The following CNTNAP2 variants were observed in gnomAD, a reference collection of about 807,000 sequenced individuals.
CNTNAP2 encodes contactin-associated protein-like 2.
In CNTNAP2, 98 loss-of-function variants were observed where a neutral mutation model predicts 155.2. The observed-to-expected ratio is 0.63, with a 90% CI of 0.54 to 0.75. CNTNAP2 has a LOEUF of 0.75. Among genes scored for constraint, CNTNAP2 ranks in the 30% least tolerant of loss-of-function variants. The pLI is 0.00. For missense variants in CNTNAP2, 1,727 were observed against 1,688.1 expected, an observed-to-expected ratio of 1.02 and a Z score of -0.40; for synonymous variants, 651 against 631.2, an observed-to-expected ratio of 1.03 and a Z score of -0.47.
At chr7:146,920,094 A>G (rs987157815) in intron 3 of CNTNAP2, among the ~76,000 whole-genome samples, 4 of 152,196 alleles carry the variant, frequency 2.6e-5, no homozygotes, top group African/African-American at 9.7e-5. Context: ...TTACTAAGAG[A>G]GTACATCTCA....
rs745943332 is a variant in CNTNAP2 at position 148,267,123 on chromosome 7, A to G, written c.3472A>G (p.Ile1158Val). The change falls in exon 21 of 24, where the codon ATA becomes GTA. Residue 1158 changes from isoleucine to valine, a missense_variant. Coordinates refer to ENST00000361727, the MANE Select transcript of CNTNAP2 (RefSeq NM_014141.6). The part of the protein sequence containing the change: ...SPKSLFLGKV[I>V]ETGKIDQEIH... Reference sequence around the variant, plus strand: ...CAAGTCGCTCTTTCTGGGAAAAGTTATAGGTAAGAATGTGGTTCGTTAGGT... The same window carrying G: ...CAAGTCGCTCTTTCTGGGAAAAGTTGTAGGTAAGAATGTGGTTCGTTAGGT... 1 of 1,613,172 alleles carries G rather than the reference A, an allele frequency of 6.2e-7. No homozygotes were observed.
chr7:146,208,478 A>G (rs1259886791), intron 1 of CNTNAP2, among the ~76,000 whole-genome samples: 1 of 152,018 alleles, frequency 6.6e-6, no homozygotes, highest in Non-Finnish European at 1.5e-5. Context: ...GCATGTCCTT[A>G]CCCTTTGATT....
chr7:148,358,239 G>A (rs772140775), intron 21 of CNTNAP2, among the ~76,000 whole-genome samples: 4 of 152,148 alleles, frequency 2.6e-5, no homozygotes, highest in South Asian at 2.1e-4. Flanking sequence ...ATTTCGAGGC[G>A]CCTGTGCTTT....
intron 8 of CNTNAP2, among the ~76,000 whole-genome samples, chr7:147,271,332 T>C (rs1442742582): frequency 6.6e-6 from 1 of 152,154 alleles, no homozygotes; most frequent in Non-Finnish European, 1.5e-5. Flanking sequence ...ACCTCTAAAA[T>C]GTTCTCAATT....
rs187751281 is a variant in CNTNAP2 at position 146,478,514 on chromosome 7, C to T, written c.98-295757C>T. Among the ~76,000 whole-genome samples, 64 of 152,020 alleles carry T rather than the reference C, an allele frequency of 4.2e-4. 1 individual carries two copies. The East Asian group carries it at 6.6e-3, about 16-fold the overall frequency. On this transcript the variant is annotated intron_variant, in intron 1 of 23. Coordinates refer to ENST00000361727, the MANE Select transcript of CNTNAP2 (RefSeq NM_014141.6). ...TTATGAGATCTAGGTATTAACCCCA[C>T]ATGTGGAAAGATAGGTTAATTTGAC...
At position 147,300,140 on chromosome 7, in the gene CNTNAP2, G is replaced by C. The variant is rs748180430; in HGVS notation, c.1349-1G>C. 6.2e-7 allele frequency: 1 copy of C among 1,613,848 alleles called. No homozygotes were observed. The highest frequency in any genetic ancestry group is 8.5e-7 in the Non-Finnish European group (1 of 1,179,926). Reference sequence around the variant, plus strand: ...AATGACTTTTATCTTGTACTTACCAGGTTCTGGGTTGAATGATGGACAGTG... The same window carrying C: ...AATGACTTTTATCTTGTACTTACCACGTTCTGGGTTGAATGATGGACAGTG... On this transcript the variant is annotated splice_acceptor_variant, in intron 8 of 23. Coordinates refer to ENST00000361727, the MANE Select transcript of CNTNAP2 (RefSeq NM_014141.6). LOFTEE classifies it high-confidence loss of function.
rs1382095008 is a variant in CNTNAP2 at position 146,151,634 on chromosome 7, T to TGA, written c.97+34662_97+34663dup. Among the ~76,000 whole-genome samples, 131 of 73,192 alleles carry TGA rather than the reference T, an allele frequency of 1.8e-3. 1 individual carries two copies. Among genetic ancestry groups the TGA allele is most frequent in the African/African-American group, 5.5e-3 (128 of 23,188 alleles). The allele number at this position is 73,192 out of a possible 152,430, so 48.0% of individuals were successfully genotyped here. On this transcript the variant is annotated intron_variant, in intron 1 of 23. Transcript: ENST00000361727. ...CACTGATGAATGGACAAAGAAAACGTGATATATATATATATATATATATAT... is the reference window on the plus strand; with the variant it reads ...CACTGATGAATGGACAAAGAAAACGTGAGATATATATATATATATATATATAT...
chr7:147,768,045 G>T (rs529108403), intron 13 of CNTNAP2, among the ~76,000 whole-genome samples: 1 of 152,064 alleles, frequency 6.6e-6, no homozygotes. Context: ...AGGAAACAAT[G>T]CTTTCACTCT....
intron 21 of CNTNAP2, among the ~76,000 whole-genome samples, chr7:148,309,071 T>C (rs1444969151): frequency 2.0e-5 from 3 of 152,208 alleles, no homozygotes; most frequent in Non-Finnish European, 4.4e-5. Context: ...GAATGACTTA[T>C]AATCCTTTGG....
At chr7:147,620,132 G>T (rs1000458770) in intron 12 of CNTNAP2, among the ~76,000 whole-genome samples, 2 of 152,200 alleles carry the variant, frequency 1.3e-5, no homozygotes, top group Non-Finnish European at 2.9e-5. Flanking sequence ...GGCTTGGGGT[G>T]CCCCCTAAAG....
chr7:146,898,149 G>T (rs958512809), intron 3 of CNTNAP2, among the ~76,000 whole-genome samples: 3 of 151,922 alleles, frequency 2.0e-5, no homozygotes, highest in African/African-American at 7.2e-5. Flanking sequence ...ACTACAAACA[G>T]TATATAACTT....
chr7:147,705,684 A>G (rs1796299713), intron 13 of CNTNAP2, among the ~76,000 whole-genome samples: 1 of 152,168 alleles, frequency 6.6e-6, no homozygotes, highest in East Asian at 1.9e-4. Flanking sequence ...ATTGGAGTCT[A>G]TCTCTCCCTT....
chr7:146,303,097 T>C (rs1272767167), intron 1 of CNTNAP2, among the ~76,000 whole-genome samples: 1 of 145,598 alleles, frequency 6.9e-6, no homozygotes, highest in African/African-American at 2.8e-5. Context: ...TGTGTGTGTG[T>C]GTGTGTGTGT....
At chr7:146,371,700 G>A (rs1423834986) in intron 1 of CNTNAP2, among the ~76,000 whole-genome samples, 1 of 151,612 alleles carries the variant, frequency 6.6e-6, no homozygotes, top group East Asian at 1.9e-4. Flanking sequence ...GGCTGTAATC[G>A]CAGCACTGTG....
chr7:146,505,361 C>T (rs989528040), intron 1 of CNTNAP2, among the ~76,000 whole-genome samples: 1 of 152,218 alleles, frequency 6.6e-6, no homozygotes, highest in Non-Finnish European at 1.5e-5. Context: ...GTAAATCATG[C>T]CCTTCAGGCA....
intron 14 of CNTNAP2, among the ~76,000 whole-genome samples, chr7:147,914,068 TA>T (rs1291226237): frequency 2.7e-5 from 4 of 148,344 alleles, no homozygotes; most frequent in South Asian, 4.3e-4. Context: ...AAAAAAAAAA[TA>T]ACCTGTAGAC....
chr7:146,310,992 CTA>C (rs1256865204), intron 1 of CNTNAP2, among the ~76,000 whole-genome samples: 1 of 152,064 alleles, frequency 6.6e-6, no homozygotes, highest in African/African-American at 2.4e-5. Context: ...AAATGTGTAT[CTA>C]TGTTTTAGTT....
chr7:148,290,174 A>G (rs953516231), intron 21 of CNTNAP2, among the ~76,000 whole-genome samples: 20 of 152,344 alleles, frequency 1.3e-4, no homozygotes, highest in African/African-American at 3.8e-4. Context: ...TGGTTTTAGT[A>G]TTTAAGGTGA....
chr7:147,420,082 A>C (rs1797263944), intron 10 of CNTNAP2, among the ~76,000 whole-genome samples: 1 of 152,202 alleles, frequency 6.6e-6, no homozygotes, highest in Admixed American at 6.5e-5. Context: ...GGTACAAAAA[A>C]CAAAAACAGA....
Sources: allele counts gnomAD v4.1 joint callset (sites outside exome capture counted in the v4.1 genomes callset), GRCh38; gene constraint gnomAD v4.1.1; transcripts MANE v1.5; gene names NCBI Gene and HGNC (gene_info 2026-07-23, HGNC 2026-07-21).